The following TTC39C variants were observed in gnomAD, a reference collection of about 807,000 sequenced individuals.
The protein encoded by TTC39C is tetratricopeptide repeat protein 39C.
Under a neutral mutation model 76.3 loss-of-function variants are expected in TTC39C, and 33 were observed. The observed-to-expected ratio is 0.43, with a 90% CI of 0.33 to 0.58. The LOEUF (loss-of-function observed/expected upper bound fraction) is 0.58, where lower values mean the gene tolerates loss of function less well. Ranked by LOEUF, TTC39C falls within the 20% of genes least tolerant of loss-of-function variation. TTC39C has a pLI of 0.04. For synonymous variants in TTC39C, 254 were observed against 260.6 expected, an observed-to-expected ratio of 0.97 and a Z score of 0.24; for missense variants, 595 against 701.4, an observed-to-expected ratio of 0.85 and a Z score of 1.71.
At chr18:24,061,187 C>T (rs1161791437) in intron 1 of TTC39C, among the ~76,000 whole-genome samples, 1 of 151,098 alleles carries the variant, frequency 6.6e-6, no homozygotes, top group African/African-American at 2.4e-5. Context: ...ATAGATTATC[C>T]TACCATTGTT....
rs2083429094 is a variant in TTC39C at position 24,014,788 on chromosome 18, G to GGTAGAGCCGGGCTCCGGGCGC, written c.-82_-62dup. On this transcript the variant is annotated 5_prime_UTR_variant, in exon 1 of 14. Coordinates refer to ENST00000317571, the MANE Select transcript of TTC39C (RefSeq NM_001135993.2). Reference sequence around the variant, plus strand: ...TCCCGGCTCCGCTTGGCTCCGGGCAGGTAGAGCCGGGCTCCGGGCGCGCGC... The same window carrying GGTAGAGCCGGGCTCCGGGCGC: ...TCCCGGCTCCGCTTGGCTCCGGGCAGGTAGAGCCGGGCTCCGGGCGCGTAGAGCCGGGCTCCGGGCGCGCGC... 1.7e-6 allele frequency: 2 copies of GGTAGAGCCGGGCTCCGGGCGC among 1,176,074 alleles called. No homozygotes were observed. The highest frequency in any genetic ancestry group is 3.3e-5 in the African/African-American group (2 of 61,528). 72.9% of individuals were successfully genotyped at this position (1,176,074 alleles called of 1,614,324 possible).
At chr18:24,002,646 CTCT>C (rs2083322468) in intron 1 of TTC39C, among the ~76,000 whole-genome samples, 1 of 152,128 alleles carries the variant, frequency 6.6e-6, no homozygotes. Context: ...GAATGCTAGA[CTCT>C]TGCAATGTGC....
At chr18:24,064,717 AAC>A (rs1229921562) in intron 2 of TTC39C, among the ~76,000 whole-genome samples, 6 of 152,234 alleles carry the variant, frequency 3.9e-5, no homozygotes, top group African/African-American at 1.4e-4. Flanking sequence ...ATTACTTTCA[AAC>A]ACATAATTTT....
chr18:24,091,519 A>T (rs766056207), intron 6 of TTC39C, among the ~76,000 whole-genome samples: 1 of 152,226 alleles, frequency 6.6e-6, no homozygotes, highest in Non-Finnish European at 1.5e-5. Context: ...CTCAAAGCGG[A>T]TCATAGACCT....
At chr18:24,082,767 A>G in intron 5 of TTC39C, 146 bp from the exon 6 acceptor site, 8 of 773,180 alleles carry the variant, frequency 1.0e-5, no homozygotes, top group Non-Finnish European at 1.5e-5. Context: ...TAAAATGGGG[A>G]AAGTCTCTGA....
At chr18:24,015,172 C>G in intron 1 of TTC39C, 134 bp downstream of exon 1, 1 of 760,410 alleles carries the variant, frequency 1.3e-6, no homozygotes, top group Non-Finnish European at 1.9e-6. Flanking sequence ...GGTCTCCTCC[C>G]TGGCAAGATC....
intron 1 of TTC39C, among the ~76,000 whole-genome samples, chr18:24,062,514 G>A (rs1031999926): frequency 1.3e-5 from 2 of 152,164 alleles, no homozygotes; most frequent in Admixed American, 1.3e-4. Context: ...TGTATTTTGA[G>A]GCAGATTGTG....
At chr18:23,997,673 A>AAAGAAAGAAAGAAAGAAAGAAG (rs1568398779) in intron 1 of TTC39C, among the ~76,000 whole-genome samples, 5 of 26,614 alleles carry the variant, frequency 1.9e-4, no homozygotes, top group African/African-American at 7.6e-4. Flanking sequence ...AAAGAAAGAA[A>AAAGAAAGAAAGAAAGAAAGAAG]GAAAGAAAGA....
intron 1 of TTC39C, among the ~76,000 whole-genome samples, chr18:23,997,648 G>GAGA (rs2083274947): frequency 1.2e-5 from 1 of 82,862 alleles, no homozygotes; most frequent in African/African-American, 4.9e-5. Context: ...AGGGAGGAAG[G>GAGA]AAGGAGAAAG....
intron 4 of TTC39C, among the ~76,000 whole-genome samples, chr18:24,074,361 C>T (rs2084277357): frequency 6.6e-6 from 1 of 152,060 alleles, no homozygotes; most frequent in Non-Finnish European, 1.5e-5. Context: ...TATTGGAACG[C>T]TAAGCATGTG....
At chr18:24,125,285 G>A in intron 9 of TTC39C, 142 bp from the exon 10 acceptor site, 2 of 1,105,220 alleles carry the variant, frequency 1.8e-6, no homozygotes, top group South Asian at 1.7e-5. Flanking sequence ...TTTTTATAGA[G>A]AGAAGAATTG....
chr18:24,022,645 C>T (rs2083531403), intron 1 of TTC39C: 7 of 985,290 alleles, frequency 7.1e-6, no homozygotes, highest in Non-Finnish European at 6.0e-6. Context: ...AGCTATCCAT[C>T]AAACCCCCAG....
intron 1 of TTC39C, among the ~76,000 whole-genome samples, chr18:24,046,598 G>A (rs751903288): frequency 6.6e-6 from 1 of 151,786 alleles, no homozygotes; most frequent in Non-Finnish European, 1.5e-5. Flanking sequence ...TTTGCTAGGT[G>A]AATATGTTTA....
Position 24,132,658 on chromosome 18 carries a change from T to C in TTC39C, c.*84T>C. 3.3e-6 allele frequency: 4 copies of C among 1,195,220 alleles called. No individual in the cohort carries two copies. Among genetic ancestry groups the C allele is most frequent in the Non-Finnish European group, 4.7e-6 (4 of 848,696 alleles). 74.0% of individuals were successfully genotyped at this position (1,195,220 alleles called of 1,614,324 possible). A position where few individuals can be genotyped will look rare whatever the true frequency, so the allele number is the denominator to read the frequency against. Reference sequence around the variant, plus strand: ...GCAGAGGACAAAGCTCTTGTGAAGATGGGCTTTTCTTCTGAAAACCACCTG... The same window carrying C: ...GCAGAGGACAAAGCTCTTGTGAAGACGGGCTTTTCTTCTGAAAACCACCTG... On this transcript the variant is annotated 3_prime_UTR_variant, in exon 14 of 14. Transcript: ENST00000317571.
chr18:24,130,630 T>C (rs1293149957), intron 12 of TTC39C, among the ~76,000 whole-genome samples: 1 of 152,106 alleles, frequency 6.6e-6, no homozygotes, highest in African/African-American at 2.4e-5. Flanking sequence ...GCATTCAAAT[T>C]ACAGTCATAC....
intron 1 of TTC39C, among the ~76,000 whole-genome samples, chr18:24,037,387 T>TC (rs2083744981): frequency 6.6e-6 from 1 of 152,240 alleles, no homozygotes; most frequent in African/African-American, 2.4e-5. Context: ...CACTGCTATA[T>TC]CCCTAATGTC....
intron 4 of TTC39C, chr18:24,076,942 A>T (rs1160989266): frequency 1.3e-5 from 2 of 152,142 alleles, no homozygotes; most frequent in Non-Finnish European, 2.9e-5. Flanking sequence ...CGTACTCAGG[A>T]TTGGATGGAT....
intron 1 of TTC39C, among the ~76,000 whole-genome samples, chr18:24,035,757 T>C (rs1045770892): frequency 2.0e-5 from 3 of 152,234 alleles, no homozygotes; most frequent in Admixed American, 6.5e-5. Context: ...GTTAGTGTCC[T>C]TTGATGCAGA....
At chr18:24,044,877 T>G (rs2083844100) in intron 1 of TTC39C, among the ~76,000 whole-genome samples, 1 of 152,104 alleles carries the variant, frequency 6.6e-6, no homozygotes, top group East Asian at 1.9e-4. Flanking sequence ...CCTAACTTGT[T>G]TAGAAACAAA....
Sources: gnomAD v4.1 joint callset for allele counts (sites outside exome capture counted in the v4.1 genomes callset) on GRCh38, gnomAD v4.1.1 for gene constraint, MANE v1.5 for transcripts, NCBI Gene and HGNC (gene_info 2026-07-23, HGNC 2026-07-21) for gene names.